SV2C: variants seen among roughly 807,000 people sequenced by gnomAD.
SV2C encodes synaptic vesicle glycoprotein 2C, also known as solute carrier family 22 member B3.
Under a neutral mutation model 79.7 loss-of-function variants are expected in SV2C, and 49 were observed. That is an observed-to-expected ratio of 0.61 (90% confidence interval 0.49 to 0.78). The LOEUF (loss-of-function observed/expected upper bound fraction) is 0.78. Ranked by LOEUF, SV2C falls within the 30% of genes least tolerant of loss-of-function variation. The probability of loss-of-function intolerance (pLI) is 0.00; values close to 1 mark genes in which losing one functional copy is unlikely to be tolerated. For synonymous variants in SV2C, 334 were observed against 333.2 expected, an observed-to-expected ratio of 1.00 and a Z score of -0.03; for missense variants, 833 against 912.9, an observed-to-expected ratio of 0.91 and a Z score of 1.13.
At chr5:76,032,393 C>T in the SV2C span, among the ~76,000 whole-genome samples, 2 of 152,126 alleles carry the variant, frequency 1.3e-5, no homozygotes, top group Admixed American at 6.5e-5. Context: ...GCTATCCCGC[C>T]CCTCTCCCCC....
chr5:76,210,962 A>C (rs142405081), intron 4 of SV2C, among the ~76,000 whole-genome samples: 1 of 152,280 alleles, frequency 6.6e-6, no homozygotes, highest in Non-Finnish European at 1.5e-5. Flanking sequence ...CTGTGCTATC[A>C]ATGCTGGGGA....
At chr5:76,140,139 G>A (rs1011011704) in intron 2 of SV2C, among the ~76,000 whole-genome samples, 22 of 152,250 alleles carry the variant, frequency 1.4e-4, no homozygotes, top group African/African-American at 5.3e-4. Context: ...TTGATAGCTA[G>A]AGTGTTCACT....
chr5:76,259,728 T>TTA (rs1428975230), intron 4 of SV2C, among the ~76,000 whole-genome samples: 1 of 152,176 alleles, frequency 6.6e-6, no homozygotes. Context: ...GTTAGTTTGC[T>TTA]GAAGATGATG....
intron 4 of SV2C, among the ~76,000 whole-genome samples, chr5:76,274,765 A>G (rs1746972877): frequency 6.6e-6 from 1 of 151,068 alleles, no homozygotes; most frequent in South Asian, 2.1e-4. Context: ...ATCCAGCTGC[A>G]TCTGGTTAAA....
At chr5:76,074,403 C>T in the SV2C span, among the ~76,000 whole-genome samples, 5 of 152,230 alleles carry the variant, frequency 3.3e-5, no homozygotes, top group Admixed American at 6.5e-5. Flanking sequence ...TGAGGCGAGA[C>T]ATTTTCTGAG....
the SV2C span, among the ~76,000 whole-genome samples, chr5:75,989,843 G>A: frequency 6.7e-6 from 1 of 150,202 alleles, no homozygotes; most frequent in African/African-American, 2.4e-5. Context: ...GTGTGAGGTG[G>A]TATCTCAATG....
chr5:76,149,435 C>T (rs545983493), intron 2 of SV2C, among the ~76,000 whole-genome samples: 13 of 152,328 alleles, frequency 8.5e-5, no homozygotes, highest in African/African-American at 2.4e-4. Context: ...CAACCTCCCA[C>T]GAGACGCTGA....
At chr5:75,961,765 G>A in the SV2C span, among the ~76,000 whole-genome samples, 2 of 151,898 alleles carry the variant, frequency 1.3e-5, no homozygotes, top group South Asian at 4.1e-4. Context: ...ATATGCAAAT[G>A]TGAAATAAAT....
At chr5:75,989,014 T>A in the SV2C span, among the ~76,000 whole-genome samples, 5 of 152,000 alleles carry the variant, frequency 3.3e-5, no homozygotes, top group African/African-American at 1.2e-4. Context: ...GTCATTTCTC[T>A]ACAAATTTAT....
At chr5:76,261,508 C>A (rs1429984320) in intron 4 of SV2C, among the ~76,000 whole-genome samples, 1 of 149,110 alleles carries the variant, frequency 6.7e-6, no homozygotes, top group East Asian at 1.9e-4. Flanking sequence ...AAAGGGCATC[C>A]TTGTCTTGTG....
intron 8 of SV2C, 76 bp downstream of exon 8, chr5:76,291,932 T>C (rs1747580744): frequency 9.3e-7 from 1 of 1,069,674 alleles, no homozygotes; most frequent in African/African-American, 1.6e-5. Flanking sequence ...GCTGCTTTCT[T>C]TTCTGATACT....
At chr5:76,282,716 A>G (rs563187103) in intron 4 of SV2C, among the ~76,000 whole-genome samples, 106 of 152,300 alleles carry the variant, frequency 7.0e-4, no homozygotes, top group Non-Finnish European at 1.1e-3. Flanking sequence ...TGATTAGAAC[A>G]GTGGTACCAG....
upstream of SV2C, chr5:76,081,868 T>C (rs1052624151): frequency 6.6e-6 from 1 of 152,366 alleles, no homozygotes; most frequent in Non-Finnish European, 1.5e-5. Context: ...GAACCGCCTG[T>C]CTCCACCGGC....
intron 3 of SV2C, among the ~76,000 whole-genome samples, chr5:76,197,076 ATCATGGAGTCTTAGGAAAG>A (rs2112331790): frequency 6.6e-6 from 1 of 152,342 alleles, no homozygotes; most frequent in South Asian, 2.1e-4. Flanking sequence ...CCTGCCCATT[ATCATGGAGTCTTAGGAAAG>A]TCATGCAGGC....
chr5:76,121,831 A>T (rs1003257304), intron 1 of SV2C, among the ~76,000 whole-genome samples: 4 of 151,800 alleles, frequency 2.6e-5, no homozygotes, highest in Admixed American at 6.6e-5. Context: ...CTTTTGGCTT[A>T]GGATTGACTT....
intron 12 of SV2C, among the ~76,000 whole-genome samples, chr5:76,351,632 C>G (rs1749643293): frequency 6.6e-6 from 1 of 152,130 alleles, no homozygotes; most frequent in South Asian, 2.1e-4. Context: ...CTACACCCTG[C>G]CACAGTGGAA....
chr5:76,145,992 CAAAAA>C (rs1749406773), intron 2 of SV2C, among the ~76,000 whole-genome samples: 1 of 152,178 alleles, frequency 6.6e-6, no homozygotes, highest in Non-Finnish European at 1.5e-5. Flanking sequence ...ACCACACACA[CAAAAA>C]TTCTTCTCTT....
chr5:75,947,209 A>G, the SV2C span, among the ~76,000 whole-genome samples: 2 of 152,060 alleles, frequency 1.3e-5, no homozygotes, highest in Non-Finnish European at 2.9e-5. Flanking sequence ...GAAGATCAGG[A>G]GTTGTGTCTT....
intron 4 of SV2C, among the ~76,000 whole-genome samples, chr5:76,257,408 G>A (rs1243580109): frequency 6.6e-6 from 1 of 151,640 alleles, no homozygotes; most frequent in South Asian, 2.1e-4. Flanking sequence ...GTGGGGTAGT[G>A]TGGTATGGTT....
Sources: gnomAD v4.1 joint callset for allele counts (sites outside exome capture counted in the v4.1 genomes callset) on GRCh38, gnomAD v4.1.1 for gene constraint, MANE v1.5 for transcripts, NCBI Gene and HGNC (gene_info 2026-07-23, HGNC 2026-07-21) for gene names.